FAM110B: variants seen among roughly 807,000 people sequenced by gnomAD.
FAM110B encodes family with sequence similarity 110 member B.
FAM110B carries 6 observed loss-of-function variants against 20.4 expected under a neutral mutation model. That is an observed-to-expected ratio of 0.29 (90% CI 0.16 to 0.58). The LOEUF is 0.58. Ranked by LOEUF, FAM110B falls within the 20% of genes least tolerant of loss-of-function variation. The pLI is 0.90. For synonymous variants in FAM110B, 226 were observed against 214.1 expected (o/e 1.06, Z -0.49); for missense variants, 434 against 498.2 (o/e 0.87, Z 1.23).
intron 3 of FAM110B, among the ~76,000 whole-genome samples, chr8:58,122,415 A>G (rs1317790411): frequency 6.6e-6 from 1 of 152,016 alleles, no homozygotes; most frequent in Non-Finnish European, 1.5e-5. Context: ...AACATCTTCT[A>G]TTACCCTTGC....
intron 3 of FAM110B, among the ~76,000 whole-genome samples, chr8:58,079,141 C>T (rs1806120733): frequency 6.6e-6 from 1 of 152,126 alleles, no homozygotes. Flanking sequence ...CAGATTCCAG[C>T]AGTACAGTCA....
intron 1 of FAM110B, among the ~76,000 whole-genome samples, chr8:58,000,847 A>G (rs1220983319): frequency 6.6e-6 from 1 of 152,196 alleles, no homozygotes; most frequent in Admixed American, 6.5e-5. Context: ...CCTTTAATCT[A>G]TCCCTAGCCA....
intron 3 of FAM110B, among the ~76,000 whole-genome samples, chr8:58,120,768 A>C (rs895494118): frequency 1.1e-4 from 17 of 152,194 alleles, no homozygotes; most frequent in Admixed American, 1.1e-3. Context: ...GAAATTCCCA[A>C]GGTGGAGAAA....
intron 2 of FAM110B, among the ~76,000 whole-genome samples, chr8:58,034,156 T>C (rs540680757): frequency 3.3e-4 from 50 of 152,266 alleles, no homozygotes; most frequent in Non-Finnish European, 6.5e-4. Context: ...CAGATGACCA[T>C]TGAATGGGCA....
At chr8:58,038,324 C>G (rs1805129751) in intron 2 of FAM110B, among the ~76,000 whole-genome samples, 1 of 152,122 alleles carries the variant, frequency 6.6e-6, no homozygotes, top group Non-Finnish European at 1.5e-5. Flanking sequence ...ATATGGAATC[C>G]TGGAGTGTTG....
chr8:58,024,032 A>C (rs1804806779), intron 1 of FAM110B, among the ~76,000 whole-genome samples: 2 of 152,214 alleles, frequency 1.3e-5, no homozygotes, highest in Admixed American at 1.3e-4. Flanking sequence ...TTTTTCCATC[A>C]TGGCATTTTC....
chr8:58,115,504 G>A (rs910316030), intron 3 of FAM110B, among the ~76,000 whole-genome samples: 4 of 151,862 alleles, frequency 2.6e-5, no homozygotes, highest in Admixed American at 6.6e-5. Context: ...GTCGATTCTC[G>A]TGCCTCAGCC....
chr8:58,087,133 G>T (rs1806358788), intron 3 of FAM110B, among the ~76,000 whole-genome samples: 1 of 152,224 alleles, frequency 6.6e-6, no homozygotes, highest in African/African-American at 2.4e-5. Flanking sequence ...TAGAAGTCAT[G>T]TTTTTTCAGC....
intron 2 of FAM110B, among the ~76,000 whole-genome samples, chr8:58,072,272 G>T (rs1186461367): frequency 6.6e-6 from 1 of 152,200 alleles, no homozygotes; most frequent in African/African-American, 2.4e-5. Flanking sequence ...CCCCTTTGAG[G>T]TGTGTGTCAT....
At chr8:58,118,112 A>T (rs905548466) in intron 3 of FAM110B, among the ~76,000 whole-genome samples, 4 of 152,188 alleles carry the variant, frequency 2.6e-5, no homozygotes, top group African/African-American at 9.7e-5. Context: ...AAAAATGTTT[A>T]CCCCATTGTC....
intron 3 of FAM110B, among the ~76,000 whole-genome samples, chr8:58,112,972 C>T (rs910233038): frequency 6.6e-6 from 1 of 152,152 alleles, no homozygotes; most frequent in African/African-American, 2.4e-5. Flanking sequence ...GATTTCGTGT[C>T]TAGTGAAGCC....
rs561963540 is a variant in FAM110B at position 58,034,507 on chromosome 8, A to T, written c.-414+2804A>T. ...TGCTGAGGGTAAGAGTGTGGGCTTT[A>T]ATGTTAGAAGGACCTGTGTCAGGAC... On this transcript the variant is annotated intron_variant, in intron 2 of 3. Coordinates refer to ENST00000519262, the MANE Select transcript of FAM110B (RefSeq NM_001377989.1). Among the ~76,000 whole-genome samples the T allele has an allele frequency of 2.0e-5, 3 of 152,246 alleles. No homozygotes were observed. In the East Asian group the frequency reaches 5.8e-4, roughly 29 times the overall value.
At chr8:58,132,193 T>G (rs370451085) in intron 3 of FAM110B, among the ~76,000 whole-genome samples, 1 of 152,158 alleles carries the variant, frequency 6.6e-6, no homozygotes, top group Non-Finnish European at 1.5e-5. Flanking sequence ...TGAATGCCTC[T>G]CCTCAAAAAG....
chr8:58,024,012 C>T (rs189149382), intron 1 of FAM110B, among the ~76,000 whole-genome samples: 12 of 152,290 alleles, frequency 7.9e-5, no homozygotes, highest in Middle Eastern at 6.8e-3. Flanking sequence ...TTGTACTAAG[C>T]ACTTACAGAT....
At chr8:58,075,275 T>TTTTGTGTGTGTGTGTGTGTGTGTG (rs1554521068) in intron 2 of FAM110B, among the ~76,000 whole-genome samples, 2 of 141,670 alleles carry the variant, frequency 1.4e-5, no homozygotes, top group African/African-American at 5.7e-5. Context: ...TTTTTTTTTT[T>TTTTGTGTGTGTGTGTGTGTGTGTG]TGTGTGTGTG....
intron 3 of FAM110B, among the ~76,000 whole-genome samples, chr8:58,127,785 A>G (rs1807547898): frequency 6.6e-6 from 1 of 152,222 alleles, no homozygotes; most frequent in Non-Finnish European, 1.5e-5. Flanking sequence ...CCTACAAAAC[A>G]CTGATGAAAA....
intron 2 of FAM110B, among the ~76,000 whole-genome samples, chr8:58,036,266 G>A (rs1435446691): frequency 6.6e-6 from 1 of 152,122 alleles, no homozygotes; most frequent in Non-Finnish European, 1.5e-5. Context: ...TTATATTCTG[G>A]CAGAGAACAG....
At chr8:58,006,666 G>A (rs1049451895) in intron 1 of FAM110B, among the ~76,000 whole-genome samples, 1 of 150,300 alleles carries the variant, frequency 6.7e-6, no homozygotes, top group East Asian at 2.0e-4. Flanking sequence ...GCAGTGGCAC[G>A]ATCTCGGCTC....
intron 1 of FAM110B, among the ~76,000 whole-genome samples, chr8:58,024,008 T>G (rs1804806593): frequency 6.6e-6 from 1 of 152,224 alleles, no homozygotes; most frequent in African/African-American, 2.4e-5. Context: ...GACATTGTAC[T>G]AAGCACTTAC....
Sources: gnomAD v4.1 joint callset for allele counts (sites outside exome capture counted in the v4.1 genomes callset) on GRCh38, gnomAD v4.1.1 for gene constraint, MANE v1.5 for transcripts, NCBI Gene and HGNC (gene_info 2026-07-23, HGNC 2026-07-21) for gene names.